The following CAST variants were observed in gnomAD, a reference collection of about 807,000 sequenced individuals.
CAST encodes the protein calpastatin, also known as MIR583 host.
CAST carries 76 observed loss-of-function variants against 119.6 expected under a neutral mutation model. That is an observed-to-expected ratio of 0.64 (90% CI 0.53 to 0.77). The LOEUF (loss-of-function observed/expected upper bound fraction) is 0.77. CAST is among the 30% of genes least tolerant of loss of function. The pLI is 0.00. For synonymous variants in CAST, 319 were observed against 331.6 expected (o/e 0.96, Z 0.41); for missense variants, 953 against 946.5 (o/e 1.01, Z -0.09).
At chr5:96,663,278 G>C in intron 1 of CAST, 1 of 699,700 alleles carries the variant, frequency 1.4e-6, no homozygotes, top group Non-Finnish European at 2.6e-6. Flanking sequence ...GGGGTTTGGC[G>C]GGGAAGGGGT....
At chr5:96,310,191 A>G in the CAST span, among the ~76,000 whole-genome samples, 1 of 152,244 alleles carries the variant, frequency 6.6e-6, no homozygotes, top group Non-Finnish European at 1.5e-5. Flanking sequence ...ACATGATTAT[A>G]TAATTTTCTG....
the CAST span, among the ~76,000 whole-genome samples, chr5:96,137,547 G>A: frequency 5.9e-5 from 9 of 151,954 alleles, no homozygotes; most frequent in Non-Finnish European, 1.3e-4. Flanking sequence ...CAGATCATAT[G>A]GTAAGACCAT....
chr5:96,479,205 C>T, the CAST span, among the ~76,000 whole-genome samples: 1 of 152,182 alleles, frequency 6.6e-6, no homozygotes. Context: ...TCTGTCAAGT[C>T]CACTGAAAGC....
the CAST span, among the ~76,000 whole-genome samples, chr5:96,200,019 T>C: frequency 6.6e-6 from 1 of 152,100 alleles, no homozygotes; most frequent in Non-Finnish European, 1.5e-5. Context: ...ATAAGGCCAC[T>C]CTATAACTGG....
chr5:96,561,786 G>GTTTTTTTTTTTTTTTTT (rs1554067776), intron 1 of CAST, among the ~76,000 whole-genome samples: 1 of 105,432 alleles, frequency 9.5e-6, no homozygotes, highest in Non-Finnish European at 1.9e-5. Context: ...TTATATATAT[G>GTTTTTTTTTTTTTTTTT]TTTTTTTTTG....
chr5:96,267,618 C>T, the CAST span, among the ~76,000 whole-genome samples: 1 of 151,810 alleles, frequency 6.6e-6, no homozygotes, highest in Admixed American at 6.6e-5. Flanking sequence ...TTCTCCACGA[C>T]AAAGAAAAGC....
the CAST span, among the ~76,000 whole-genome samples, chr5:96,090,108 G>A: frequency 3.9e-5 from 6 of 152,246 alleles, no homozygotes; most frequent in African/African-American, 1.2e-4. Context: ...TCCCTAGCAC[G>A]ATGCCTAGGC....
the CAST span, among the ~76,000 whole-genome samples, chr5:96,338,742 T>G: frequency 3.3e-5 from 5 of 152,290 alleles, no homozygotes; most frequent in African/African-American, 9.6e-5. Context: ...CCAGGGGTTT[T>G]TGGAAATGCC....
chr5:96,399,456 G>C, the CAST span, among the ~76,000 whole-genome samples: 1 of 152,130 alleles, frequency 6.6e-6, no homozygotes, highest in Non-Finnish European at 1.5e-5. Context: ...TCTGTGACAA[G>C]ATGTGGTGTG....
the CAST span, among the ~76,000 whole-genome samples, chr5:96,306,144 A>C: frequency 6.6e-6 from 1 of 152,184 alleles, no homozygotes; most frequent in Non-Finnish European, 1.5e-5. Flanking sequence ...TGGTCTATTC[A>C]GGGATTCGAC....
chr5:96,438,118 C>T, the CAST span, among the ~76,000 whole-genome samples: 2 of 152,036 alleles, frequency 1.3e-5, no homozygotes, highest in African/African-American at 2.4e-5. Context: ...TGCTCTTGTC[C>T]GGATAGGGTC....
the CAST span, among the ~76,000 whole-genome samples, chr5:96,170,102 C>G: frequency 6.6e-6 from 1 of 152,158 alleles, no homozygotes; most frequent in African/African-American, 2.4e-5. Flanking sequence ...CAAAGCTTGG[C>G]GTCCGTGATG....
chr5:96,162,299 T>A, the CAST span, among the ~76,000 whole-genome samples: 1 of 152,222 alleles, frequency 6.6e-6, no homozygotes, highest in Non-Finnish European at 1.5e-5. Flanking sequence ...CATTACCTTG[T>A]TGAATATTTT....
chr5:96,150,906 C>G, the CAST span, among the ~76,000 whole-genome samples: 3 of 152,310 alleles, frequency 2.0e-5, no homozygotes, highest in Admixed American at 2.0e-4. Context: ...TGACATCTGA[C>G]AAGACAGACC....
chr5:96,657,818 C>T (rs1748185025), upstream of CAST, among the ~76,000 whole-genome samples: 2 of 152,108 alleles, frequency 1.3e-5, no homozygotes, highest in African/African-American at 2.4e-5. Context: ...TTTTGTAGGC[C>T]AGGCACGGTG....
rs188184915 is a variant in CAST at position 96,702,781 on chromosome 5, G to A, written c.210+6874G>A. On this transcript the variant is annotated intron_variant, in intron 3 of 31. Coordinates refer to ENST00000675179, the MANE Select transcript of CAST (RefSeq NM_001750.7). ...GGGGAGCATCCTGCGTCGCCTTCCC[G>A]GGACCGCCCCGCCCCGTCGCACTCA... 1.2e-3 allele frequency: 1,224 copies of A among 985,456 alleles called. 22 individuals carry two copies. The South Asian group carries it at 0.029, about 23-fold the overall frequency. 61.0% of individuals were successfully genotyped at this position (985,456 alleles called of 1,614,324 possible). A position where few individuals can be genotyped will look rare whatever the true frequency, so the allele number is the denominator to read the frequency against.
At chr5:96,454,619 G>A in the CAST span, among the ~76,000 whole-genome samples, 137 of 152,278 alleles carry the variant, frequency 9.0e-4, no homozygotes, top group African/African-American at 3.2e-3. Flanking sequence ...TGAGTCTAGC[G>A]GGAGCTACTC....
In CAST at chr5:96,648,717, C is replaced by CGTGTGTGTGTGT. The variant is rs72068689; in HGVS notation, c.61-26806_61-26795dup. 4.5e-3 allele frequency among the ~76,000 whole-genome samples: 664 copies of CGTGTGTGTGTGT among 148,910 alleles called. 4 individuals are homozygous for CGTGTGTGTGTGT. Among genetic ancestry groups the CGTGTGTGTGTGT allele is most frequent in the African/African-American group, 0.014 (552 of 40,420 alleles). On this transcript the variant is annotated intron_variant, in intron 1 of 11. Transcript: ENST00000505143. Reference sequence around the variant, plus strand: ...GGGAGAAGTTTTATTTATATATATGCGTGTGTGTGTGTGTGTGTGTGTGTG... The same window carrying CGTGTGTGTGTGT: ...GGGAGAAGTTTTATTTATATATATGCGTGTGTGTGTGTGTGTGTGTGTGTGTGTGTGTGTGTG...
At chr5:96,207,624 AC>A in the CAST span, among the ~76,000 whole-genome samples, 1 of 152,060 alleles carries the variant, frequency 6.6e-6, no homozygotes, top group East Asian at 1.9e-4. Flanking sequence ...TGTTGCACCA[AC>A]CTTGCATTCC....
Sources: gnomAD v4.1 joint callset for allele counts (sites outside exome capture counted in the v4.1 genomes callset) on GRCh38, gnomAD v4.1.1 for gene constraint, MANE v1.5 for transcripts, NCBI Gene and HGNC (gene_info 2026-07-23, HGNC 2026-07-21) for gene names.